NLGN1: variants seen among roughly 807,000 people sequenced by gnomAD.
NLGN1 encodes neuroligin 1.
In NLGN1, 12 loss-of-function variants were observed where a neutral mutation model predicts 65.5. That is an observed-to-expected ratio of 0.18 (90% CI 0.12 to 0.30). The LOEUF is 0.30. NLGN1 is among the 10% of genes least tolerant of loss of function. The pLI is 1.00. For missense variants in NLGN1, 750 were observed against 1,007.1 expected (o/e 0.74, Z 3.46); for synonymous variants, 350 against 359.5 (o/e 0.97, Z 0.30).
intron 3 of NLGN1, among the ~76,000 whole-genome samples, chr3:173,731,970 T>G (rs986243474): frequency 3.3e-5 from 5 of 152,104 alleles, no homozygotes; most frequent in Non-Finnish European, 7.4e-5. Flanking sequence ...ATAGATGATG[T>G]ATATTTTTAT....
At chr3:173,516,265 A>T (rs1733797238) in intron 2 of NLGN1, among the ~76,000 whole-genome samples, 2 of 152,072 alleles carry the variant, frequency 1.3e-5, no homozygotes, top group Admixed American at 6.6e-5. Context: ...TATGTATTGC[A>T]TTCTCTAATT....
intron 3 of NLGN1, among the ~76,000 whole-genome samples, chr3:173,650,167 T>C (rs1758921863): frequency 6.6e-6 from 1 of 152,110 alleles, no homozygotes; most frequent in Non-Finnish European, 1.5e-5. Context: ...ATCTTAGATG[T>C]AACACAGACC....
chr3:173,845,606 GGATA>G (rs10546469), intron 4 of NLGN1, among the ~76,000 whole-genome samples: 27,593 of 146,908 alleles, frequency 0.19, 2,741 homozygotes, highest in Middle Eastern at 0.29. Flanking sequence ...GTAGGTGGAT[GGATA>G]GATAGATAGA....
chr3:173,428,297 A>G (rs940583568), intron 1 of NLGN1, among the ~76,000 whole-genome samples: 1 of 151,976 alleles, frequency 6.6e-6, no homozygotes, highest in East Asian at 1.9e-4. Context: ...TTGATAGGTG[A>G]GGACTTACTA....
chr3:173,541,730 A>G (rs1297190106), intron 2 of NLGN1, among the ~76,000 whole-genome samples: 1 of 152,148 alleles, frequency 6.6e-6, no homozygotes, highest in African/African-American at 2.4e-5. Flanking sequence ...TTTGTAGTGC[A>G]TTACTTCAAA....
At chr3:173,745,139 C>G (rs1324217192) in intron 3 of NLGN1, among the ~76,000 whole-genome samples, 1 of 152,032 alleles carries the variant, frequency 6.6e-6, no homozygotes, top group East Asian at 1.9e-4. Context: ...TGTGAAGTGT[C>G]TATAGAACTT....
At chr3:173,398,229 C>T (rs1004151272), upstream of NLGN1, among the ~76,000 whole-genome samples, 3 of 152,154 alleles carry the variant, frequency 2.0e-5, no homozygotes, top group African/African-American at 4.8e-5. Context: ...TCTCCCCAGG[C>T]CCTCCGGCTA....
chr3:173,637,493 G>A (rs553749879), intron 3 of NLGN1, among the ~76,000 whole-genome samples: 1 of 152,152 alleles, frequency 6.6e-6, no homozygotes, highest in East Asian at 1.9e-4. Context: ...TCTAGTTACT[G>A]TAAAATGCTG....
chr3:173,832,186 A>T (rs1404000043), intron 4 of NLGN1, among the ~76,000 whole-genome samples: 2 of 150,496 alleles, frequency 1.3e-5, no homozygotes, highest in African/African-American at 4.9e-5. Flanking sequence ...CTGGTCTTGA[A>T]CTCCTGGGCT....
chr3:173,894,498 A>G (rs953331107), intron 4 of NLGN1, among the ~76,000 whole-genome samples: 3 of 152,216 alleles, frequency 2.0e-5, no homozygotes, highest in Non-Finnish European at 4.4e-5. Flanking sequence ...TTTGATATTT[A>G]TTAAAGATAC....
chr3:173,880,152 T>A (rs529538197), intron 4 of NLGN1, among the ~76,000 whole-genome samples: 1 of 152,278 alleles, frequency 6.6e-6, no homozygotes, highest in South Asian at 2.1e-4. Context: ...TAATTTAAAG[T>A]GAGCTACAGA....
intron 3 of NLGN1, among the ~76,000 whole-genome samples, chr3:173,625,364 A>G (rs1380770735): frequency 1.3e-5 from 2 of 152,140 alleles, no homozygotes; most frequent in Non-Finnish European, 2.9e-5. Flanking sequence ...ACGTACCACC[A>G]CTACCACCAT....
chr3:173,533,260 G>T (rs887040153), intron 2 of NLGN1, among the ~76,000 whole-genome samples: 3 of 152,098 alleles, frequency 2.0e-5, no homozygotes, highest in African/African-American at 7.2e-5. Flanking sequence ...ATTGGAAGGT[G>T]TTTACTTATC....
intron 3 of NLGN1, among the ~76,000 whole-genome samples, chr3:173,754,502 T>C (rs1016550297): frequency 9.2e-5 from 14 of 152,292 alleles, no homozygotes; most frequent in African/African-American, 3.1e-4. Flanking sequence ...CTTAATTTAC[T>C]TATTTACTTA....
Position 174,100,957 on chromosome 3 carries a change from C to T in NLGN1, c.647-174358C>T, listed in dbSNP as rs560504677. 2.0e-4 allele frequency among the ~76,000 whole-genome samples: 31 copies of T among 152,124 alleles called. No homozygotes were observed. In the South Asian group the frequency reaches 6.0e-3, roughly 30 times the overall value. ...ACAGCCATCATACTTCTAGAGGCTCCGTTTTCCCCTCTGCAGCAAGTACGA... is the reference window on the plus strand; with the variant it reads ...ACAGCCATCATACTTCTAGAGGCTCTGTTTTCCCCTCTGCAGCAAGTACGA... On this transcript the variant is annotated intron_variant, in intron 4 of 6. Transcript: ENST00000457714.
At chr3:173,606,192 C>G (rs1328923689) in intron 3 of NLGN1, among the ~76,000 whole-genome samples, 3 of 152,016 alleles carry the variant, frequency 2.0e-5, no homozygotes, top group Non-Finnish European at 4.4e-5. Flanking sequence ...TAAATATTTA[C>G]AGTCTTAAAA....
At chr3:173,650,065 A>G (rs1208235822) in intron 3 of NLGN1, among the ~76,000 whole-genome samples, 1 of 151,900 alleles carries the variant, frequency 6.6e-6, no homozygotes, top group East Asian at 1.9e-4. Context: ...ATGCATACTT[A>G]TTTCTTATTT....
At chr3:173,613,726 C>G (rs549648384) in intron 3 of NLGN1, among the ~76,000 whole-genome samples, 1 of 151,928 alleles carries the variant, frequency 6.6e-6, no homozygotes, top group African/African-American at 2.4e-5. Flanking sequence ...TACTATAATC[C>G]TATTCATTTG....
At chr3:173,724,299 G>A (rs186569303) in intron 3 of NLGN1, among the ~76,000 whole-genome samples, 7 of 152,082 alleles carry the variant, frequency 4.6e-5, no homozygotes, top group African/African-American at 7.2e-5. Context: ...TTTTTGAGAC[G>A]GAGTCTCGCT....
Sources: allele counts gnomAD v4.1 joint callset (sites outside exome capture counted in the v4.1 genomes callset), GRCh38; gene constraint gnomAD v4.1.1; transcripts MANE v1.5; gene names NCBI Gene and HGNC (gene_info 2026-07-23, HGNC 2026-07-21).